Variants in TRIM24 observed in about 807,000 individuals in gnomAD.
TRIM24 encodes the protein tripartite motif containing 24.
A neutral mutation model predicts 123.9 loss-of-function variants in TRIM24; 29 were observed. The ratio of observed to expected loss-of-function variants is 0.23; its 90% CI spans 0.17 to 0.32. The LOEUF (loss-of-function observed/expected upper bound fraction) is 0.32, where lower values mean the gene tolerates loss of function less well. TRIM24 is among the 10% of genes least tolerant of loss of function. The pLI is 1.00. For missense variants in TRIM24, 932 were observed against 1,295.3 expected (o/e 0.72, Z 4.31); for synonymous variants, 456 against 461.1 (o/e 0.99, Z 0.14).
At chr7:138,517,995 T>C (rs1228939393) in intron 3 of TRIM24, among the ~76,000 whole-genome samples, 7 of 152,332 alleles carry the variant, frequency 4.6e-5, no homozygotes, top group Admixed American at 3.3e-4. Flanking sequence ...CTTTTTTCTG[T>C]ATGAATTACC....
chr7:138,523,477 C>T (rs1403769530), intron 4 of TRIM24, among the ~76,000 whole-genome samples: 4 of 152,108 alleles, frequency 2.6e-5, no homozygotes, highest in East Asian at 1.9e-4. Context: ...CCCTTTTGGC[C>T]GGGCGAGGTG....
chr7:138,535,924 C>CT (rs987552517), intron 6 of TRIM24, among the ~76,000 whole-genome samples: 1 of 152,110 alleles, frequency 6.6e-6, no homozygotes, highest in East Asian at 1.9e-4. Context: ...TCTTTTTACT[C>CT]TTTTTTCTCT....
chr7:138,460,721 T>C lies in TRIM24; in HGVS notation c.173T>C (p.Val58Ala). The change falls in exon 1 of 19, where the codon GTG becomes GCG. Residue 58 changes from valine to alanine, a missense_variant. By Grantham distance (64) the Val-to-Ala change is moderately conservative. This residue lies in a region of TRIM24 where 164 missense variants were observed against 181.9 expected (regional missense o/e 0.90). Transcript: ENST00000343526. ...CTCAACCTGTTGGACACTTGCGCCG[T>C]GTGCCACCAGAACATCCAGAGCCGG... ...ARLNLLDTCA[V>A]CHQNIQSRAP... is the part of the protein sequence containing the mutation. 1 of 1,571,992 alleles carries C rather than the reference T, an allele frequency of 6.4e-7. No individual in the cohort carries two copies. The highest frequency in any genetic ancestry group is 8.6e-7 in the Non-Finnish European group (1 of 1,162,668).
In TRIM24 at chr7:138,585,194, G is replaced by C. The variant is rs1174791402; in HGVS notation, c.*243G>C. On this transcript the variant is annotated 3_prime_UTR_variant, in exon 19 of 19. Transcript: ENST00000343526. ...TGGAAAGAAGGAAAAAAGGAGGATA[G>C]AAAAAGGATGGAAGAAAGAAGCATT... is the stretch of plus-strand genomic sequence containing the variant. The C allele has an allele frequency of 3.0e-6, 1 of 336,380 alleles. No homozygotes were observed. The highest frequency in any genetic ancestry group is 5.3e-6 in the Non-Finnish European group (1 of 187,836). 20.8% of individuals were successfully genotyped at this position (336,380 alleles called of 1,614,324 possible). A position where few individuals can be genotyped will look rare whatever the true frequency, so the allele number is the denominator to read the frequency against.
intron 5 of TRIM24, among the ~76,000 whole-genome samples, chr7:138,528,574 A>G: frequency 6.6e-6 from 1 of 151,716 alleles, no homozygotes; most frequent in East Asian, 1.9e-4. Flanking sequence ...GATAAAACAT[A>G]GTTATTTGGC....
chr7:138,465,073 T>A (rs905950765), intron 1 of TRIM24, among the ~76,000 whole-genome samples: 1 of 152,230 alleles, frequency 6.6e-6, no homozygotes, highest in Non-Finnish European at 1.5e-5. Flanking sequence ...TTGAACTGTT[T>A]TAAAGGAGAA....
intron 4 of TRIM24, 91 bp from the exon 5 acceptor site, chr7:138,525,149 TA>T: frequency 1.7e-6 from 1 of 577,336 alleles, no homozygotes; most frequent in South Asian, 3.0e-5. Context: ...AAATTCTTTA[TA>T]ATCCTATTTT....
intron 2 of TRIM24, among the ~76,000 whole-genome samples, chr7:138,504,981 G>A (rs1472783060): frequency 3.3e-5 from 5 of 150,058 alleles, no homozygotes; most frequent in African/African-American, 9.8e-5. Context: ...GGCTGGTCTC[G>A]AACTCCTGAC....
intron 10 of TRIM24, among the ~76,000 whole-genome samples, chr7:138,569,379 G>C (rs1184212372): frequency 6.6e-6 from 1 of 152,178 alleles, no homozygotes; most frequent in Non-Finnish European, 1.5e-5. Flanking sequence ...CTTTTAAGTA[G>C]TAGATGAGTT....
chr7:138,561,064 G>A (rs1236776747), intron 9 of TRIM24, among the ~76,000 whole-genome samples: 4 of 152,056 alleles, frequency 2.6e-5, no homozygotes, highest in African/African-American at 4.8e-5. Context: ...CTTATATATA[G>A]CTCCATGAAC....
In TRIM24 at chr7:138,535,620, C is replaced by T. The variant is rs566658941; in HGVS notation, c.997-3037C>T. ...TGATGGGCTTCCCTTTGTGGGTAAA[C>T]CGATCTTTCTCTCTGGCTGCCCTTA... is the stretch of plus-strand genomic sequence containing the variant. On this transcript the variant is annotated intron_variant, in intron 6 of 18. Coordinates refer to ENST00000343526, the MANE Select transcript of TRIM24 (RefSeq NM_015905.3). Among the ~76,000 whole-genome samples, 10 of 152,300 alleles carry T rather than the reference C, an allele frequency of 6.6e-5. No homozygotes were observed. In the South Asian group the frequency reaches 1.9e-3, roughly 28 times the overall value.
chr7:138,552,810 T>C (rs1210362463), intron 8 of TRIM24, among the ~76,000 whole-genome samples: 1 of 152,182 alleles, frequency 6.6e-6, no homozygotes, highest in Non-Finnish European at 1.5e-5. Flanking sequence ...GAAACTGGAA[T>C]TATTACACAC....
chr7:138,519,169 G>T lies in TRIM24; in HGVS notation c.632-20G>T. ...CAATTATGTTAATTTTCTTCTCTTT[G>T]TCTCCCATTGTTTCTGCAGAGGCAG... On this transcript the variant is annotated intron_variant, in intron 3 of 18. Coordinates refer to ENST00000343526, the MANE Select transcript of TRIM24 (RefSeq NM_015905.3). 1 of 1,613,720 alleles carries T rather than the reference G, an allele frequency of 6.2e-7. No homozygotes were observed. The highest frequency in any genetic ancestry group is 8.5e-7 in the Non-Finnish European group (1 of 1,179,832).
intron 16 of TRIM24, 100 bp from the exon 17 acceptor site, chr7:138,581,597 T>C (rs1797896443): frequency 4.0e-6 from 4 of 996,906 alleles, no homozygotes; most frequent in East Asian, 2.6e-5. Context: ...TTTTAATTTT[T>C]AGTCTGACAC....
At position 138,571,000 on chromosome 7, in the gene TRIM24, G is replaced by A. The variant is rs543789070; in HGVS notation, c.1875G>A (p.Pro625=). 1.5e-5 allele frequency: 25 copies of A among 1,613,668 alleles called. 1 individual carries two copies. Among genetic ancestry groups the A allele is most frequent in the Admixed American group, 1.0e-4 (6 of 59,964 alleles). The change falls in exon 11 of 19, where the codon CCG becomes CCA. Residue 625 remains proline (P), a synonymous_variant. Coordinates refer to ENST00000343526, the MANE Select transcript of TRIM24 (RefSeq NM_015905.3). ...GGTCTTATAATCTTCCCTCTCTTCC[G>A]GATGTAAGTAGACACAAAATTTATA... The part of the protein sequence containing the change: ...VGGSYNLPSL[P]DIDCSSTIML...
At chr7:138,486,717 C>T (rs1795655991) in intron 1 of TRIM24, among the ~76,000 whole-genome samples, 1 of 152,204 alleles carries the variant, frequency 6.6e-6, no homozygotes, top group South Asian at 2.1e-4. Context: ...GGTCCCAGTA[C>T]CATGCTGTTT....
intron 9 of TRIM24, among the ~76,000 whole-genome samples, chr7:138,566,750 CAATAACATAATA>C (rs1205445782): frequency 6.6e-6 from 1 of 152,128 alleles, no homozygotes; most frequent in Non-Finnish European, 1.5e-5. Flanking sequence ...TCATAAGACT[CAATAACATAATA>C]ATATGTAAAA....
intron 1 of TRIM24, among the ~76,000 whole-genome samples, chr7:138,486,173 T>C (rs558025566): frequency 3.5e-4 from 53 of 152,334 alleles, no homozygotes; most frequent in Middle Eastern, 3.4e-3. Flanking sequence ...TTTGCCCACT[T>C]TTTGATGGGG....
At chr7:138,573,693 T>C in intron 12 of TRIM24, 51 bp downstream of exon 12, 1 of 1,564,736 alleles carries the variant, frequency 6.4e-7, no homozygotes, top group East Asian at 2.3e-5. Context: ...GTTTTCACTT[T>C]ACTTGGAATA....
Sources: allele counts gnomAD v4.1 joint callset (sites outside exome capture counted in the v4.1 genomes callset), GRCh38; gene constraint gnomAD v4.1.1; regional missense constraint gnomAD v4.1.1; transcripts MANE v1.5; gene names NCBI Gene and HGNC (gene_info 2026-07-23, HGNC 2026-07-21).